CREM: variants seen among roughly 807,000 people sequenced by gnomAD.
The protein encoded by CREM is cAMP-responsive element modulator.
A neutral mutation model predicts 37.3 loss-of-function variants in CREM; 13 were observed. That is an observed-to-expected ratio of 0.35 (90% CI 0.23 to 0.55). The LOEUF (loss-of-function observed/expected upper bound fraction) is 0.55. Ranked by LOEUF, CREM falls within the 20% of genes least tolerant of loss-of-function variation. The pLI is 0.88. For missense variants in CREM, 296 were observed against 362.3 expected (o/e 0.82, Z 1.49); for synonymous variants, 124 against 120.2 (o/e 1.03, Z -0.21).
intron 3 of CREM, among the ~76,000 whole-genome samples, chr10:35,171,852 T>G (rs1045322177): frequency 5.9e-5 from 9 of 152,252 alleles, no homozygotes; most frequent in Admixed American, 5.9e-4. Context: ...TATTTTGATT[T>G]GAGAAAATGT....
intron 1 of CREM, among the ~76,000 whole-genome samples, chr10:35,128,239 G>C (rs1015889488): frequency 6.6e-6 from 1 of 152,200 alleles, no homozygotes; most frequent in African/African-American, 2.4e-5. Flanking sequence ...AAGCAGCGGT[G>C]AGTTTGTAAT....
intron 6 of CREM, among the ~76,000 whole-genome samples, chr10:35,205,685 G>A (rs187033759): frequency 5.2e-4 from 79 of 152,332 alleles, no homozygotes; most frequent in African/African-American, 1.8e-3. Flanking sequence ...CAGGCCGGGC[G>A]TGGTGGCTCA....
In CREM at chr10:35,158,069, G is replaced by A. The variant is rs192068611; in HGVS notation, c.168+9578G>A. Among the ~76,000 whole-genome samples the A allele has an allele frequency of 2.0e-3, 303 of 152,262 alleles. 1 individual carries two copies. The highest frequency in any genetic ancestry group is 3.6e-3 in the Admixed American group (55 of 15,288). Reference sequence around the variant, plus strand: ...TACATTGAAAACTATAAAAAACATTGATGAGAGAAATTGAAGGAGACACAA... The same window carrying A: ...TACATTGAAAACTATAAAAAACATTAATGAGAGAAATTGAAGGAGACACAA... On this transcript the variant is annotated intron_variant, in intron 3 of 7. Transcript: ENST00000685392.
intron 3 of CREM, among the ~76,000 whole-genome samples, chr10:35,163,323 T>C (rs2093384181): frequency 6.6e-6 from 1 of 152,056 alleles, no homozygotes; most frequent in African/African-American, 2.4e-5. Context: ...TGTAAGTTGG[T>C]CTCCCCTGTC....
At position 35,188,188 on chromosome 10, in the gene CREM, T is replaced by G; in HGVS notation, c.410-12T>G. On this transcript the variant is annotated splice_polypyrimidine_tract_variant and intron_variant, in intron 5 of 7. Transcript: ENST00000685392. ...TGAAATTCTCTAATATTTCTTTTCT[T>G]TTTCTGTTAAGTTGCTATAGCCCAA... 1 of 1,595,566 alleles carries G rather than the reference T, an allele frequency of 6.3e-7. No homozygotes were observed. Among genetic ancestry groups the G allele is most frequent in the Non-Finnish European group, 8.5e-7 (1 of 1,174,214 alleles).
At chr10:35,158,500 G>T in intron 3 of CREM, 1 of 208,024 alleles carries the variant, frequency 4.8e-6, no homozygotes. Context: ...GCACTGAAGT[G>T]GAGAAGGAGG....
At chr10:35,143,599 T>C (rs2091720723) in intron 2 of CREM, among the ~76,000 whole-genome samples, 1 of 152,114 alleles carries the variant, frequency 6.6e-6, no homozygotes, top group African/African-American at 2.4e-5. Context: ...TTCTTTTGAG[T>C]GTTGAACATA....
At chr10:35,164,758 A>G (rs527775856) in intron 3 of CREM, among the ~76,000 whole-genome samples, 16 of 152,356 alleles carry the variant, frequency 1.1e-4, no homozygotes, top group African/African-American at 3.6e-4. Flanking sequence ...CATTGCTATA[A>G]AGGAATACCT....
chr10:35,161,063 G>C (rs980987916), intron 3 of CREM, among the ~76,000 whole-genome samples: 1 of 152,060 alleles, frequency 6.6e-6, no homozygotes, highest in African/African-American at 2.4e-5. Flanking sequence ...AAAAAGTATG[G>C]TAAATACATA....
At chr10:35,173,605 A>G (rs1318349515) in intron 3 of CREM, among the ~76,000 whole-genome samples, 1 of 152,238 alleles carries the variant, frequency 6.6e-6, no homozygotes, top group Admixed American at 6.5e-5. Context: ...TATGTTAAAT[A>G]TCAACATATA....
chr10:35,127,741 A>C (rs2088184132), intron 1 of CREM, among the ~76,000 whole-genome samples: 2 of 152,042 alleles, frequency 1.3e-5, no homozygotes, highest in Admixed American at 6.5e-5. Flanking sequence ...CAGAGCCGCG[A>C]CCGCTCTCGG....
chr10:35,209,424 C>A, intron 7 of CREM: 2 of 941,746 alleles, frequency 2.1e-6, no homozygotes, highest in Non-Finnish European at 2.5e-6. Flanking sequence ...CAGGTGTTTT[C>A]CATGGCTGAG....
intron 3 of CREM, among the ~76,000 whole-genome samples, chr10:35,178,142 A>G (rs950144523): frequency 6.6e-6 from 1 of 152,214 alleles, no homozygotes; most frequent in African/African-American, 2.4e-5. Flanking sequence ...CAAAGTATTA[A>G]TAATTGACTG....
At chr10:35,167,875 TATAAA>T (rs1412727070) in intron 3 of CREM, 2 of 1,331,108 alleles carry the variant, frequency 1.5e-6, no homozygotes, top group African/African-American at 2.9e-5. Flanking sequence ...AATTGTGAAA[TATAAA>T]ATAACATCCA....
At chr10:35,185,102 ACTT>A (rs1354839023) in intron 5 of CREM, among the ~76,000 whole-genome samples, 1 of 140,120 alleles carries the variant, frequency 7.1e-6, no homozygotes, top group Admixed American at 7.3e-5. Flanking sequence ...TAGGCTTTGT[ACTT>A]CTTTTTTTTT....
At chr10:35,150,061 T>TTA (rs1243653148) in intron 3 of CREM, among the ~76,000 whole-genome samples, 2 of 152,172 alleles carry the variant, frequency 1.3e-5, no homozygotes, top group Non-Finnish European at 2.9e-5. Flanking sequence ...TGTAGCTCCT[T>TTA]TAGTCTTTTT....
At chr10:35,201,333 A>T (rs568805200) in intron 6 of CREM, 856 of 1,043,132 alleles carry the variant, frequency 8.2e-4, no homozygotes, top group Non-Finnish European at 1.1e-3. Flanking sequence ...GGGGAAGAGG[A>T]AGGGAACTAA....
At chr10:35,206,453 A>G (rs987245464) in intron 6 of CREM, among the ~76,000 whole-genome samples, 2 of 152,056 alleles carry the variant, frequency 1.3e-5, no homozygotes, top group African/African-American at 2.4e-5. Flanking sequence ...TGTCTTTCCA[A>G]CTCTACGCTC....
intron 1 of CREM, chr10:35,135,543 A>T (rs1002463150): frequency 3.3e-5 from 5 of 152,088 alleles, no homozygotes; most frequent in African/African-American, 1.2e-4. Context: ...GGTAGTATAC[A>T]GGATATATCA....
Sources: gnomAD v4.1 joint callset for allele counts (sites outside exome capture counted in the v4.1 genomes callset) on GRCh38, gnomAD v4.1.1 for gene constraint, MANE v1.5 for transcripts, NCBI Gene and HGNC (gene_info 2026-07-23, HGNC 2026-07-21) for gene names.